The following PIAS4 variants were observed in gnomAD, a reference collection of about 807,000 sequenced individuals.
The protein encoded by PIAS4 is E3 SUMO-protein ligase PIAS4.
A neutral mutation model predicts 58.0 loss-of-function variants in PIAS4; 7 were observed. The ratio of observed to expected loss-of-function variants is 0.12; its 90% CI spans 0.07 to 0.23. The LOEUF (loss-of-function observed/expected upper bound fraction) is 0.23. Ranked by LOEUF, PIAS4 falls within the 10% of genes least tolerant of loss-of-function variation. The pLI is 1.00. For missense variants in PIAS4, 550 were observed against 709.5 expected, an observed-to-expected ratio of 0.78 and a Z score of 2.55; for synonymous variants, 364 against 312.4, an observed-to-expected ratio of 1.17 and a Z score of -1.74.
intron 2 of PIAS4, among the ~76,000 whole-genome samples, chr19:4,021,632 A>G (rs2040109938): frequency 6.6e-6 from 1 of 152,168 alleles, no homozygotes; most frequent in Non-Finnish European, 1.5e-5. Flanking sequence ...TTGTAAAATA[A>G]GAAGTATGCT....
chr19:4,033,296 C>A, intron 8 of PIAS4, 123 bp downstream of exon 8: 4 of 1,335,782 alleles, frequency 3.0e-6, no homozygotes, highest in Middle Eastern at 2.0e-4. Flanking sequence ...TGGTCTTCGT[C>A]CCCTCCGTGT....
In PIAS4 at chr19:4,037,912, C is replaced by T. The variant is rs2040318828; in HGVS notation, c.*37C>T. On this transcript the variant is annotated 3_prime_UTR_variant, in exon 11 of 11. Coordinates refer to ENST00000262971, the MANE Select transcript of PIAS4 (RefSeq NM_015897.4). This position sits in a 1 kb window ranked among gnomAD's most constrained non-coding sequence, Gnocchi z 5.8. ...CACTCGACTTTCCTGGTGCTCACCA[C>T]GCAGAGGGGCACGGGCCAGCCTCGG... 1.9e-6 allele frequency: 3 copies of T among 1,557,278 alleles called. No homozygotes were observed. The highest frequency in any genetic ancestry group is 1.4e-5 in the African/African-American group (1 of 73,794).
At chr19:4,018,465 G>A (rs1193224842) in intron 2 of PIAS4, 3 of 152,238 alleles carry the variant, frequency 2.0e-5, no homozygotes, top group African/African-American at 7.2e-5. Flanking sequence ...TCGGGCCCAG[G>A]GGCTGCTTTT....
chr19:4,010,691 G>A (rs574722997), intron 1 of PIAS4, among the ~76,000 whole-genome samples: 8 of 152,310 alleles, frequency 5.3e-5, no homozygotes, highest in Admixed American at 5.2e-4. Context: ...TACTAGGGAG[G>A]CTCTGGGCCA....
rs1311368620 is a variant in PIAS4, at chr19:4,037,009, G to A, written c.1143-365G>A. 5.9e-5 allele frequency among the ~76,000 whole-genome samples: 9 copies of A among 151,926 alleles called. No individual in the cohort carries two copies. Among genetic ancestry groups the A allele is most frequent in the Admixed American group, 6.6e-5 (1 of 15,048 alleles). ...CGCACACATGCACAGATACACTCACGTCCACACACGCTCAAACATGCGTGC... is the reference window on the plus strand; with the variant it reads ...CGCACACATGCACAGATACACTCACATCCACACACGCTCAAACATGCGTGC... On this transcript the variant is annotated intron_variant, in intron 9 of 10. Coordinates refer to ENST00000262971, the MANE Select transcript of PIAS4 (RefSeq NM_015897.4). This position sits in a 1 kb window ranked among gnomAD's most constrained non-coding sequence, Gnocchi z 5.8.
In PIAS4 at chr19:4,033,751, C is replaced by T. The variant is rs186726202; in HGVS notation, c.1142+171C>T. Among the ~76,000 whole-genome samples, 54 of 152,234 alleles carry T rather than the reference C, an allele frequency of 3.5e-4. 1 individual carries two copies. In the South Asian group the frequency reaches 4.8e-3, roughly 13 times the overall value. On this transcript the variant is annotated intron_variant, in intron 9 of 10. Transcript: ENST00000262971. ...GCGAAAAGAGCCGGTTTCTTTCTCGCGGAACTTCTCAGAGCCTTTGCTATG... is the reference window on the plus strand; with the variant it reads ...GCGAAAAGAGCCGGTTTCTTTCTCGTGGAACTTCTCAGAGCCTTTGCTATG...
intron 7 of PIAS4, among the ~76,000 whole-genome samples, chr19:4,032,390 A>G (rs1199665032): frequency 6.6e-6 from 1 of 152,050 alleles, no homozygotes; most frequent in Non-Finnish European, 1.5e-5. Flanking sequence ...CTCCTGAGCT[A>G]CCCATGGATG....
chr19:4,022,993 G>A (rs1211304221), intron 2 of PIAS4, among the ~76,000 whole-genome samples: 1 of 151,678 alleles, frequency 6.6e-6, no homozygotes, highest in Non-Finnish European at 1.5e-5. Flanking sequence ...CCAACATGGA[G>A]AAACCCTACC....
In PIAS4 at chr19:4,013,498, G is replaced by T; in HGVS notation, c.454+149G>T. On this transcript the variant is annotated intron_variant, in intron 2 of 10. Transcript: ENST00000262971. This position sits in a 1 kb window ranked among gnomAD's most constrained non-coding sequence, Gnocchi z 5.1. ...ACAGTGGCCAGGGGTGTCCTTCCTC[G>T]GAAGCAAAGGGACCATCTTTGATAT... 1 of 656,596 alleles carries T rather than the reference G, an allele frequency of 1.5e-6. No homozygotes were observed. The highest frequency in any genetic ancestry group is 1.9e-5 in the South Asian group (1 of 52,578). The allele number at this position is 656,596 out of a possible 1,614,324, so 40.7% of individuals were successfully genotyped here.
At chr19:4,017,164 CAG>C (rs899346944) in intron 2 of PIAS4, among the ~76,000 whole-genome samples, 14 of 152,246 alleles carry the variant, frequency 9.2e-5, no homozygotes, top group African/African-American at 3.4e-4. Context: ...GGTTGGGGAA[CAG>C]GGGGACTCCG....
chr19:4,023,726 C>T (rs1371662804), intron 2 of PIAS4, among the ~76,000 whole-genome samples: 8 of 152,210 alleles, frequency 5.3e-5, no homozygotes, highest in South Asian at 2.1e-4. Flanking sequence ...CAGCTCTCCC[C>T]GCCAGGCAGC....
In PIAS4 at chr19:4,038,387, C is replaced by G. The variant is rs545136675; in HGVS notation, c.*512C>G. On this transcript the variant is annotated 3_prime_UTR_variant, in exon 11 of 11. Transcript: ENST00000262971. The surrounding 1 kb of genome is among the most constrained non-coding windows in gnomAD (Gnocchi z 4.1). Reference sequence around the variant, plus strand: ...ATGCATCCTCGCCCAGAGACCCTCACGCGCCGAGCAGCGAGCGTTTTAGCC... The same window carrying G: ...ATGCATCCTCGCCCAGAGACCCTCAGGCGCCGAGCAGCGAGCGTTTTAGCC... 1.3e-5 allele frequency: 2 copies of G among 148,410 alleles called. No individual in the cohort carries two copies. The highest frequency in any genetic ancestry group is 3.0e-5 in the Non-Finnish European group (2 of 67,266). The allele number at this position is 148,410 out of a possible 1,614,324, so 9.2% of individuals were successfully genotyped here.
chr19:4,008,496 G>T (rs1265076762), intron 1 of PIAS4, among the ~76,000 whole-genome samples: 1 of 152,164 alleles, frequency 6.6e-6, no homozygotes, highest in African/African-American at 2.4e-5. Context: ...CGCCGGAGTG[G>T]GCGCTTGGGG....
rs1333612680 is a variant in PIAS4, at chr19:4,037,339, T to C, written c.1143-35T>C. 3.8e-6 allele frequency: 6 copies of C among 1,578,094 alleles called. No homozygotes were observed. In the Admixed American group the frequency reaches 5.2e-5, roughly 14 times the overall value. On this transcript the variant is annotated intron_variant, in intron 9 of 10. Coordinates refer to ENST00000262971, the MANE Select transcript of PIAS4 (RefSeq NM_015897.4). This position sits in a 1 kb window ranked among gnomAD's most constrained non-coding sequence, Gnocchi z 5.8. ...TGGGGAGTTGGGGGGGTGGGGCACCTCCAGCCCCGGCGTCAGCTGTCCGCC... is the reference window on the plus strand; with the variant it reads ...TGGGGAGTTGGGGGGGTGGGGCACCCCCAGCCCCGGCGTCAGCTGTCCGCC...
chr19:4,037,633 G>A lies in PIAS4; in HGVS notation c.1291G>A (p.Gly431Arg), dbSNP rs1196675695. ...GCCCGTAGGCCCCTCGGACGCCAAT[G>A]GGCTCCTGCCCGCCCCCAGCGTCAA... ...ILVLGPSDANGLLPAPSVNGS... is the reference protein window; with the variant it reads ...ILVLGPSDANRLLPAPSVNGS... The change falls in exon 11 of 11, where the codon GGG becomes AGG. Residue 431 changes from glycine (G) to arginine (R), a missense_variant. By Grantham distance (125) the Gly-to-Arg change is moderately radical. Coordinates refer to ENST00000262971, the MANE Select transcript of PIAS4 (RefSeq NM_015897.4). This position sits in a 1 kb window ranked among gnomAD's most constrained non-coding sequence, Gnocchi z 5.8. 2 of 1,611,206 alleles carry A rather than the reference G, an allele frequency of 1.2e-6. No individual in the cohort carries two copies. The highest frequency in any genetic ancestry group is 3.3e-5 in the Admixed American group (2 of 60,008).
In PIAS4 at chr19:4,035,539, T is replaced by TG. The variant is rs1365215930; in HGVS notation, c.1143-1830dup. On this transcript the variant is annotated intron_variant, in intron 9 of 10. Transcript: ENST00000262971. ...CTCCGAGTAAAAAGGCCGGACACAG[T>TG]GGGGGTGCTCTGGAGAGGCTGTGGC... Among the ~76,000 whole-genome samples, 4 of 152,038 alleles carry TG rather than the reference T, an allele frequency of 2.6e-5. No individual in the cohort carries two copies. In the East Asian group the frequency reaches 7.7e-4, roughly 29 times the overall value.
chr19:4,015,692 GGTGCT>G (rs1174149623), intron 2 of PIAS4, among the ~76,000 whole-genome samples: 1 of 152,136 alleles, frequency 6.6e-6, no homozygotes, highest in Non-Finnish European at 1.5e-5. Flanking sequence ...TGCACTCTGT[GGTGCT>G]GGCCTTGCCC....
chr19:4,024,271 C>T, intron 3 of PIAS4, 151 bp downstream of exon 3: 4 of 653,204 alleles, frequency 6.1e-6, no homozygotes, highest in Non-Finnish European at 1.1e-5. Context: ...GGGTTTGCTT[C>T]CTTCCAGAAA....
At chr19:4,036,892 C>T (rs924183123) in intron 9 of PIAS4, among the ~76,000 whole-genome samples, 2 of 151,546 alleles carry the variant, frequency 1.3e-5, no homozygotes, top group African/African-American at 2.4e-5. Flanking sequence ...TCACGTATGC[C>T]CATATGCATC....
Sources: allele counts gnomAD v4.1 joint callset (sites outside exome capture counted in the v4.1 genomes callset), GRCh38; gene constraint gnomAD v4.1.1; non-coding constraint Gnocchi (gnomAD v3.1); transcripts MANE v1.5; gene names NCBI Gene and HGNC (gene_info 2026-07-23, HGNC 2026-07-21).